Variants in MYRIP observed in about 807,000 individuals in gnomAD.
MYRIP encodes the protein myosin VIIA and Rab interacting protein, also known as rab effector MyRIP.
Under a neutral mutation model 98.0 loss-of-function variants are expected in MYRIP, and 49 were observed. That is an observed-to-expected ratio of 0.50 (90% CI 0.40 to 0.63). The LOEUF is 0.63. MYRIP is among the 30% of genes least tolerant of loss of function. The probability of loss-of-function intolerance (pLI) is 0.00; values close to 1 mark genes in which losing one functional copy is unlikely to be tolerated. For missense variants in MYRIP, 1,004 were observed against 1,058.2 expected (o/e 0.95, Z 0.71); for synonymous variants, 404 against 409.5 (o/e 0.99, Z 0.16).
intron 16 of MYRIP, among the ~76,000 whole-genome samples, chr3:40,255,425 GTTTAT>G (rs1227538053): frequency 2.6e-5 from 4 of 152,128 alleles, no homozygotes; most frequent in South Asian, 2.1e-4. Flanking sequence ...CTTTAGAATG[GTTTAT>G]TTTATGTTAT....
intron 2 of MYRIP, among the ~76,000 whole-genome samples, chr3:39,925,569 A>C (rs1944404714): frequency 6.6e-6 from 1 of 152,088 alleles, no homozygotes; most frequent in Non-Finnish European, 1.5e-5. Context: ...CTTATAAGTG[A>C]GAACATGTGG....
rs375808093 is a variant in MYRIP, at chr3:40,162,779, C to A, written c.519C>A (p.Gly173=). The change falls in exon 5 of 17, where the codon GGC becomes GGA. Residue 173 remains glycine, a synonymous_variant. Coordinates refer to ENST00000302541, the MANE Select transcript of MYRIP (RefSeq NM_015460.4). ...TGGAGAATGAAGGAAGCATTTCTGG[C>A]AGTGATTCAACATTTTATAGGCAGT... ...SNLENEGSIS[G]SDSTFYRQSE... The A allele has an allele frequency of 1.9e-5, 30 of 1,613,866 alleles. No individual in the cohort carries two copies. Among genetic ancestry groups the A allele is most frequent in the Non-Finnish European group, 2.5e-5 (30 of 1,179,936 alleles).
intron 11 of MYRIP, among the ~76,000 whole-genome samples, chr3:40,215,995 A>T (rs1411163860): frequency 6.6e-6 from 1 of 152,178 alleles, no homozygotes; most frequent in East Asian, 1.9e-4. Context: ...TCATTCCCAC[A>T]ACTGTGTCCT....
chr3:40,218,623 TATA>T (rs1559460471), intron 11 of MYRIP, among the ~76,000 whole-genome samples: 1,305 of 89,240 alleles, frequency 0.015, 36 homozygotes, highest in African/African-American at 0.02. Context: ...TATATATATA[TATA>T]TATATATATA....
chr3:39,926,051 T>C (rs1390333458), intron 2 of MYRIP, among the ~76,000 whole-genome samples: 2 of 152,146 alleles, frequency 1.3e-5, no homozygotes, highest in African/African-American at 4.8e-5. Context: ...TGGTATCTCA[T>C]AGTGGTTTTG....
intron 2 of MYRIP, among the ~76,000 whole-genome samples, chr3:39,984,442 GT>G (rs906344075): frequency 6.7e-6 from 1 of 150,258 alleles, no homozygotes; most frequent in African/African-American, 2.5e-5. Context: ...TGTTCTCATT[GT>G]TCAATTCCCA....
chr3:40,002,653 C>G (rs1418885296), intron 2 of MYRIP, among the ~76,000 whole-genome samples: 1 of 152,090 alleles, frequency 6.6e-6, no homozygotes, highest in South Asian at 2.1e-4. Flanking sequence ...AAAGGCAGAG[C>G]TGAGATCAGA....
At chr3:39,850,568 TA>T (rs142019455) in intron 1 of MYRIP, among the ~76,000 whole-genome samples, 3 of 152,292 alleles carry the variant, frequency 2.0e-5, no homozygotes, top group African/African-American at 2.4e-5. Context: ...ATATTCTCCT[TA>T]AAAAAATCTA....
chr3:40,093,986 T>A (rs919022289), intron 3 of MYRIP, among the ~76,000 whole-genome samples: 1 of 152,144 alleles, frequency 6.6e-6, no homozygotes, highest in Non-Finnish European at 1.5e-5. Context: ...CCTACTTTCC[T>A]GTTACCTCCT....
intron 10 of MYRIP, among the ~76,000 whole-genome samples, chr3:40,208,830 T>A (rs1480590725): frequency 6.6e-6 from 1 of 152,186 alleles, no homozygotes; most frequent in Non-Finnish European, 1.5e-5. Context: ...AAACATCATC[T>A]TCTCTGCATT....
intron 3 of MYRIP, among the ~76,000 whole-genome samples, chr3:40,129,312 G>T (rs897958388): frequency 1.3e-5 from 2 of 150,880 alleles, no homozygotes; most frequent in African/African-American, 4.9e-5. Flanking sequence ...ATAGTGGGGG[G>T]CGCCTGTAAT....
In MYRIP at chr3:40,159,443, CAA is replaced by C. The variant is rs199591678; in HGVS notation, c.470-3286_470-3285del. On this transcript the variant is annotated intron_variant, in intron 4 of 16. Coordinates refer to ENST00000302541, the MANE Select transcript of MYRIP (RefSeq NM_015460.4). The stretch of plus-strand genomic sequence containing the variant: ...GCCCTTAACATTTTTTCCTTCATTT[CAA>C]GTTTGGTGAATCTGACAATTATGTG... 4.5e-3 allele frequency among the ~76,000 whole-genome samples: 685 copies of C among 152,178 alleles called. 6 individuals carry two copies. Among genetic ancestry groups the C allele is most frequent in the African/African-American group, 0.015 (637 of 41,520 alleles).
At chr3:39,994,106 C>T (rs1020991446) in intron 2 of MYRIP, among the ~76,000 whole-genome samples, 12 of 152,204 alleles carry the variant, frequency 7.9e-5, no homozygotes, top group African/African-American at 2.4e-4. Flanking sequence ...CAGCTTCCAG[C>T]GTGAGCGATG....
rs144907891 is a variant in MYRIP at position 40,000,650 on chromosome 3, G to A, written c.111-43400G>A. On this transcript the variant is annotated intron_variant, in intron 2 of 16. Coordinates refer to ENST00000302541, the MANE Select transcript of MYRIP (RefSeq NM_015460.4). ...ACTTGATGATTTGTGACTTGCTTTC[G>A]TCCTTAATTTTTTGTGAGTCTTAAT... Among the ~76,000 whole-genome samples, 1,008 of 152,124 alleles carry A rather than the reference G, an allele frequency of 6.6e-3. 8 individuals are homozygous for A. Among genetic ancestry groups the A allele is most frequent in the Middle Eastern group, 0.02 (6 of 294 alleles).
chr3:39,961,053 C>A (rs1307226405), intron 2 of MYRIP, among the ~76,000 whole-genome samples: 1 of 152,146 alleles, frequency 6.6e-6, no homozygotes, highest in Non-Finnish European at 1.5e-5. Context: ...AAGATACAAG[C>A]ATTTCCCTAA....
chr3:39,994,968 G>C (rs982124561), intron 2 of MYRIP, among the ~76,000 whole-genome samples: 1 of 152,202 alleles, frequency 6.6e-6, no homozygotes, highest in African/African-American at 2.4e-5. Flanking sequence ...CAGACCTGCA[G>C]CTGAGGGTCC....
intron 13 of MYRIP, chr3:40,248,618 A>T (rs922622389): frequency 6.6e-6 from 1 of 152,216 alleles, no homozygotes; most frequent in Non-Finnish European, 1.5e-5. Flanking sequence ...TCCACAAATG[A>T]AGAGGTCAGC....
Position 39,990,776 on chromosome 3 carries a change from G to A in MYRIP, c.111-53274G>A, listed in dbSNP as rs78663013. On this transcript the variant is annotated intron_variant, in intron 2 of 16. Coordinates refer to ENST00000302541, the MANE Select transcript of MYRIP (RefSeq NM_015460.4). ...GCAGGGCTGCCCTCTAGTGGACTCT[G>A]AATGCATGTTCATTGAGGATAATAG... is the stretch of plus-strand genomic sequence containing the variant. Among the ~76,000 whole-genome samples, 73 of 152,298 alleles carry A rather than the reference G, an allele frequency of 4.8e-4. No individual in the cohort carries two copies. In the East Asian group the frequency reaches 0.013, roughly 27 times the overall value.
chr3:39,934,276 G>A (rs914001932), intron 2 of MYRIP, among the ~76,000 whole-genome samples: 1 of 150,392 alleles, frequency 6.6e-6, no homozygotes, highest in Non-Finnish European at 1.5e-5. Flanking sequence ...AGCTTTGTCT[G>A]CAAGCCTGGA....
Sources: allele counts gnomAD v4.1 joint callset (sites outside exome capture counted in the v4.1 genomes callset), GRCh38; gene constraint gnomAD v4.1.1; transcripts MANE v1.5; gene names NCBI Gene and HGNC (gene_info 2026-07-23, HGNC 2026-07-21).